Variants in ST8SIA6 observed in about 807,000 individuals in gnomAD.
The protein encoded by ST8SIA6 is alpha-2,8-sialyltransferase 8F.
Under a neutral mutation model 33.6 loss-of-function variants are expected in ST8SIA6, and 39 were observed. The ratio of observed to expected loss-of-function variants is 1.16; its 90% CI spans 0.90 to 1.52. The LOEUF is 1.52. Ranked by LOEUF, ST8SIA6 falls within the 40% of genes most tolerant of loss-of-function variation. ST8SIA6 has a pLI of 0.00. For missense variants in ST8SIA6, 441 were observed against 443.8 expected (o/e 0.99, Z 0.06); for synonymous variants, 172 against 167.2 (o/e 1.03, Z -0.22).
At chr10:17,358,402 T>C (rs1849265078) in intron 4 of ST8SIA6, among the ~76,000 whole-genome samples, 1 of 152,192 alleles carries the variant, frequency 6.6e-6, no homozygotes, top group Non-Finnish European at 1.5e-5. Flanking sequence ...TCTTAGAGTA[T>C]TTTAGGGGAA....
intron 4 of ST8SIA6, among the ~76,000 whole-genome samples, chr10:17,343,955 C>T (rs12355902): frequency 0.086 from 13,025 of 152,088 alleles, 641 homozygotes; most frequent in South Asian, 0.11. Flanking sequence ...CTTATAAAAG[C>T]CTTATGAGGG....
intron 2 of ST8SIA6, among the ~76,000 whole-genome samples, chr10:17,441,927 G>T (rs1232965799): frequency 6.6e-6 from 1 of 150,536 alleles, no homozygotes; most frequent in African/African-American, 2.4e-5. Context: ...GGAGTGCAGT[G>T]GTGTGATCTG....
chr10:17,331,824 G>A (rs1239888588), intron 4 of ST8SIA6, among the ~76,000 whole-genome samples: 1 of 151,866 alleles, frequency 6.6e-6, no homozygotes, highest in African/African-American at 2.4e-5. Flanking sequence ...GGATACATAT[G>A]CAGACATGCA....
In ST8SIA6 at chr10:17,341,900, C is replaced by CA. The variant is rs71393004; in HGVS notation, c.378-10349dup. On this transcript the variant is annotated intron_variant, in intron 4 of 7. Coordinates refer to ENST00000377602, the MANE Select transcript of ST8SIA6 (RefSeq NM_001004470.3). ...TGGGCAACAGAGCAAGGCTCCATCT[C>CA]AAAAAAAAAAAAAAAAAAAAACAAA... Among the ~76,000 whole-genome samples, 726 of 73,086 alleles carry CA rather than the reference C, an allele frequency of 9.9e-3. 36 individuals are homozygous for CA. The highest frequency in any genetic ancestry group is 0.03 in the Middle Eastern group (3 of 100). 47.9% of individuals were successfully genotyped at this position (73,086 alleles called of 152,430 possible).
chr10:17,381,779 T>C (rs1850160726), intron 3 of ST8SIA6, among the ~76,000 whole-genome samples: 1 of 152,224 alleles, frequency 6.6e-6, no homozygotes, highest in Admixed American at 6.5e-5. Flanking sequence ...GAGACATTGA[T>C]ATGCGTTTAA....
chr10:17,368,618 G>A (rs1313173728), intron 3 of ST8SIA6, among the ~76,000 whole-genome samples: 2 of 151,952 alleles, frequency 1.3e-5, no homozygotes, highest in Non-Finnish European at 2.9e-5. Flanking sequence ...TGTGTAGAGT[G>A]GCCAAGGAAG....
intron 4 of ST8SIA6, among the ~76,000 whole-genome samples, chr10:17,347,684 G>C (rs1178428370): frequency 6.6e-6 from 1 of 152,156 alleles, no homozygotes; most frequent in Admixed American, 6.5e-5. Flanking sequence ...CTAATTGCAA[G>C]AGTGTCCTTT....
At chr10:17,417,749 G>A (rs1851649110) in intron 2 of ST8SIA6, among the ~76,000 whole-genome samples, 1 of 152,170 alleles carries the variant, frequency 6.6e-6, no homozygotes, top group Non-Finnish European at 1.5e-5. Context: ...TGCCCCATCT[G>A]TCTCCTAGGG....
chr10:17,329,732 A>G (rs1034641624), intron 5 of ST8SIA6, among the ~76,000 whole-genome samples: 7 of 152,206 alleles, frequency 4.6e-5, no homozygotes, highest in Admixed American at 1.3e-4. Context: ...GAAAACATCT[A>G]TATGCTTTAG....
intron 4 of ST8SIA6, among the ~76,000 whole-genome samples, chr10:17,338,419 C>G (rs12265904): frequency 0.041 from 6,172 of 152,244 alleles, 310 homozygotes; most frequent in African/African-American, 0.11. Flanking sequence ...ACAACTCAAA[C>G]CTTTGTGTTT....
At chr10:17,413,842 C>T (rs546646309) in intron 2 of ST8SIA6, among the ~76,000 whole-genome samples, 33 of 152,216 alleles carry the variant, frequency 2.2e-4, no homozygotes, top group African/African-American at 7.7e-4. Context: ...CTCACATTGT[C>T]GTTTACCAAG....
chr10:17,429,165 A>G (rs1852026131), intron 2 of ST8SIA6, among the ~76,000 whole-genome samples: 1 of 151,906 alleles, frequency 6.6e-6, no homozygotes, highest in South Asian at 2.1e-4. Context: ...ATTTTGGACT[A>G]CATCAATTAC....
intron 2 of ST8SIA6, among the ~76,000 whole-genome samples, chr10:17,440,613 C>G (rs778770936): frequency 6.6e-5 from 10 of 152,156 alleles, no homozygotes; most frequent in Non-Finnish European, 1.2e-4. Context: ...ACTACACCGG[C>G]TATGCACTCT....
intron 2 of ST8SIA6, among the ~76,000 whole-genome samples, chr10:17,431,109 A>C (rs545934786): frequency 6.6e-6 from 1 of 152,204 alleles, no homozygotes; most frequent in Non-Finnish European, 1.5e-5. Flanking sequence ...ACAAAGGCAA[A>C]GCCTCATTAG....
intron 2 of ST8SIA6, among the ~76,000 whole-genome samples, chr10:17,416,223 C>T (rs1342112627): frequency 1.3e-5 from 2 of 152,116 alleles, no homozygotes; most frequent in African/African-American, 4.8e-5. Context: ...GCTCCCTCTG[C>T]CTCTCCTTTG....
chr10:17,321,155 A>G lies in ST8SIA6; in HGVS notation c.920T>C (p.Leu307Pro). The G allele has an allele frequency of 6.2e-7, 1 of 1,614,136 alleles. No homozygotes were observed. The highest frequency in any genetic ancestry group is 8.5e-7 in the Non-Finnish European group (1 of 1,179,996). The stretch of plus-strand genomic sequence containing the variant: ...ACCTTTAGTTCTCCAGAAAAGGGCC[A>G]GATCTTTCAGGTACTTGGGATGGAA... Reference protein sequence around the residue: ...LFFHPKYLKDLALFWRTKGVT... With the variant: ...LFFHPKYLKDPALFWRTKGVT... The change falls in exon 8 of 8, where the codon CTG (leucine) becomes CCG (proline). Residue 307 changes from leucine to proline, a missense_variant. Transcript: ENST00000377602.
At chr10:17,366,771 C>A (rs1238074004) in intron 3 of ST8SIA6, among the ~76,000 whole-genome samples, 2 of 151,970 alleles carry the variant, frequency 1.3e-5, no homozygotes, top group Admixed American at 1.3e-4. Context: ...ATCCCTAATC[C>A]CAGCCCACAG....
chr10:17,372,850 T>G (rs976263924), intron 3 of ST8SIA6, among the ~76,000 whole-genome samples: 2 of 152,296 alleles, frequency 1.3e-5, no homozygotes, highest in African/African-American at 4.8e-5. Flanking sequence ...CAATATTCTA[T>G]TGGTTTCATG....
At chr10:17,361,517 A>AACAC (rs35428636) in intron 3 of ST8SIA6, among the ~76,000 whole-genome samples, 3,829 of 146,172 alleles carry the variant, frequency 0.026, 62 homozygotes, top group Middle Eastern at 0.09. Context: ...CTTCCTACAA[A>AACAC]ACACACACAC....
Sources: gnomAD v4.1 joint callset for allele counts (sites outside exome capture counted in the v4.1 genomes callset) on GRCh38, gnomAD v4.1.1 for gene constraint, MANE v1.5 for transcripts, NCBI Gene and HGNC (gene_info 2026-07-23, HGNC 2026-07-21) for gene names.